METTL22: variants seen among roughly 807,000 people sequenced by gnomAD.
METTL22 encodes the protein methyltransferase-like protein 22.
In METTL22, 51 loss-of-function variants were observed where a neutral mutation model predicts 48.4. The observed-to-expected ratio is 1.05, with a 90% CI of 0.84 to 1.33. The LOEUF (loss-of-function observed/expected upper bound fraction) is 1.33, where lower values mean the gene tolerates loss of function less well. METTL22 is among the 40% of genes most tolerant of loss of function. The pLI is 0.00. For missense variants in METTL22, 678 were observed against 526.9 expected (o/e 1.29, Z -2.81); for synonymous variants, 255 against 214.1 (o/e 1.19, Z -1.67).
At chr16:8,651,107 G>A (rs1299840905), downstream of METTL22, among the ~76,000 whole-genome samples, 3 of 151,510 alleles carry the variant, frequency 2.0e-5, no homozygotes, top group Admixed American at 6.6e-5. Context: ...TACTAAATGG[G>A]CCAGGCGCAG....
intron 6 of METTL22, 146 bp downstream of exon 6, chr16:8,639,308 A>G (rs1168497041): frequency 2.8e-6 from 2 of 725,606 alleles, no homozygotes; most frequent in African/African-American, 1.7e-5. Context: ...TCGTCTGGGC[A>G]TCACAGAGCT....
the METTL22 span, among the ~76,000 whole-genome samples, chr16:8,659,282 G>T: frequency 4.0e-5 from 6 of 150,618 alleles, no homozygotes; most frequent in South Asian, 2.1e-4. Context: ...AGTGAGCCAA[G>T]ATTGCGCCTC....
At chr16:8,638,350 A>T (rs2056487809) in intron 5 of METTL22, among the ~76,000 whole-genome samples, 1 of 152,182 alleles carries the variant, frequency 6.6e-6, no homozygotes, top group African/African-American at 2.4e-5. Context: ...AAATGTCATT[A>T]ACAAGACATC....
intron 5 of METTL22, among the ~76,000 whole-genome samples, chr16:8,637,622 C>A (rs1364444851): frequency 2.0e-5 from 3 of 152,174 alleles, no homozygotes; most frequent in Non-Finnish European, 4.4e-5. Flanking sequence ...AGACCCGAGG[C>A]CCTTGATGTG....
At chr16:8,651,106 G>A (rs1327914956), downstream of METTL22, among the ~76,000 whole-genome samples, 1 of 151,324 alleles carries the variant, frequency 6.6e-6, no homozygotes, top group African/African-American at 2.4e-5. Flanking sequence ...ATACTAAATG[G>A]GCCAGGCGCA....
chr16:8,666,086 A>G, the METTL22 span, among the ~76,000 whole-genome samples: 52 of 152,302 alleles, frequency 3.4e-4, no homozygotes, highest in African/African-American at 1.2e-3. Context: ...ACCTGCCTCT[A>G]TCATCTGAGA....
Position 8,628,935 on chromosome 16 carries a change from A to G in METTL22, c.339A>G (p.Glu113=), listed in dbSNP as rs2056158357. The G allele has an allele frequency of 1.2e-6, 2 of 1,613,952 alleles. No homozygotes were observed. The highest frequency in any genetic ancestry group is 1.3e-5 in the African/African-American group (1 of 74,914). ...ACACCACTGGCCAGGAAGTGGCTGA[A>G]GCTCAGCTGGATGAGGATGGGGATT... ...GTDTTGQEVA[E]AQLDEDGDLD... is the part of the protein sequence containing the mutation. Residue 113 remains glutamate, a synonymous_variant, in exon 3 of 11, where the codon GAA becomes GAG. Coordinates refer to ENST00000381920, the MANE Select transcript of METTL22 (RefSeq NM_024109.4).
Position 8,640,486 on chromosome 16 carries a change from T to C in METTL22, c.773-645T>C, listed in dbSNP as rs1407650186. On this transcript the variant is annotated intron_variant, in intron 6 of 10. Transcript: ENST00000381920. ...TAGCACTCAAAAAATGCTGGAAGAA[T>C]GGACGGATGGATGGAGGGAAGGGAC... is the stretch of plus-strand genomic sequence containing the variant. Among the ~76,000 whole-genome samples the C allele has an allele frequency of 3.5e-5, 5 of 141,942 alleles. No homozygotes were observed. In the East Asian group the frequency reaches 1.1e-3, roughly 32 times the overall value. 93.1% of individuals were successfully genotyped at this position (141,942 alleles called of 152,430 possible).
In METTL22 at chr16:8,629,058, C is replaced by T. The variant is rs756379766; in HGVS notation, c.462C>T (p.Asp154=). ...CCATGATTCTAGCACAGGAAGAAGA[C>T]GACGTCCTGGGAGAGGAAGCACAAG... The part of the protein sequence containing the change: ...VHPMILAQEE[D]DVLGEEAQGS... The change falls in exon 3 of 11, where the codon GAC becomes GAT. Residue 154 remains aspartate (D), a synonymous_variant. Transcript: ENST00000381920. 91 of 1,613,792 alleles carry T rather than the reference C, an allele frequency of 5.6e-5. No individual in the cohort carries two copies. The highest frequency in any genetic ancestry group is 7.1e-5 in the Non-Finnish European group (84 of 1,180,042).
chr16:8,623,341 A>C (rs1187604439), intron 1 of METTL22, among the ~76,000 whole-genome samples: 1 of 152,018 alleles, frequency 6.6e-6, no homozygotes, highest in African/African-American at 2.4e-5. Context: ...GCTATGGCAA[A>C]AAAAGAAATG....
At chr16:8,641,100 T>C (rs2056601424) in intron 6 of METTL22, 31 bp from the exon 7 acceptor site, 2 of 1,608,710 alleles carry the variant, frequency 1.2e-6, no homozygotes, top group Non-Finnish European at 8.5e-7. Context: ...GTTTAGAGTT[T>C]GGAAAGTTCT....
chr16:8,639,834 C>A (rs1166585287), intron 6 of METTL22, among the ~76,000 whole-genome samples: 1 of 152,112 alleles, frequency 6.6e-6, no homozygotes, highest in African/African-American at 2.4e-5. Context: ...CAGTGGTTTA[C>A]TGTTGCTTGT....
chr16:8,639,248 GC>G, intron 6 of METTL22, 86 bp downstream of exon 6: 1 of 1,325,824 alleles, frequency 7.5e-7, no homozygotes, highest in East Asian at 2.3e-5. Flanking sequence ...ACATTGGGAG[GC>G]AGGGCTCCGT....
the METTL22 span, among the ~76,000 whole-genome samples, chr16:8,661,432 G>A: frequency 1.3e-5 from 2 of 148,234 alleles, no homozygotes; most frequent in Non-Finnish European, 3.0e-5. Flanking sequence ...AGATCACGAG[G>A]TCAGGAGATC....
Position 8,639,175 on chromosome 16 carries a change from G to A in METTL22, c.772+13G>A, listed in dbSNP as rs202138814. 1.3e-3 allele frequency: 2,071 copies of A among 1,613,588 alleles called. 5 individuals are homozygous for A. The highest frequency in any genetic ancestry group is 1.5e-3 in the Non-Finnish European group (1,744 of 1,179,848). On this transcript the variant is annotated intron_variant, in intron 6 of 10. Transcript: ENST00000381920. ...GCTGCCACTGGAGGTGAGGCCCAGG[G>A]GGTCTTCTGCCAGGGAGGGAGGTTT... is the stretch of plus-strand genomic sequence containing the variant.
At chr16:8,632,686 A>G (rs141194325) in intron 3 of METTL22, among the ~76,000 whole-genome samples, 7 of 152,276 alleles carry the variant, frequency 4.6e-5, no homozygotes, top group Non-Finnish European at 1.0e-4. Context: ...CTGGTTAAAC[A>G]CTGTTACAGC....
At chr16:8,636,065 T>C (rs1432771273) in intron 5 of METTL22, among the ~76,000 whole-genome samples, 1 of 152,186 alleles carries the variant, frequency 6.6e-6, no homozygotes, top group Non-Finnish European at 1.5e-5. Flanking sequence ...GACCTTCCAC[T>C]CAAATAGTGA....
At chr16:8,641,858 G>GT in intron 7 of METTL22, 1 of 564,956 alleles carries the variant, frequency 1.8e-6, no homozygotes. Flanking sequence ...CTGGGCCACA[G>GT]GCCAAGGCAG....
chr16:8,664,931 C>A, the METTL22 span, among the ~76,000 whole-genome samples: 1 of 152,108 alleles, frequency 6.6e-6, no homozygotes, highest in Admixed American at 6.5e-5. Context: ...TTGTCTGGCA[C>A]GTCTCACTGT....
Sources: allele counts gnomAD v4.1 joint callset (sites outside exome capture counted in the v4.1 genomes callset), GRCh38; gene constraint gnomAD v4.1.1; transcripts MANE v1.5; gene names NCBI Gene and HGNC (gene_info 2026-07-23, HGNC 2026-07-21).